SGIP1: variants seen among roughly 807,000 people sequenced by gnomAD.
SGIP1 encodes SH3GL interacting endocytic adaptor 1.
In SGIP1, 38 loss-of-function variants were observed where a neutral mutation model predicts 107.5. The observed-to-expected ratio is 0.35, with a 90% CI of 0.27 to 0.46. The LOEUF (loss-of-function observed/expected upper bound fraction) is 0.46. Among genes scored for constraint, SGIP1 ranks in the 20% least tolerant of loss-of-function variants. The pLI is 1.00. For missense variants in SGIP1, 929 were observed against 1,019.5 expected (o/e 0.91, Z 1.21); for synonymous variants, 365 against 366.1 (o/e 1.00, Z 0.03).
At chr1:66,636,559 C>T (rs1174713623) in intron 4 of SGIP1, among the ~76,000 whole-genome samples, 1 of 152,214 alleles carries the variant, frequency 6.6e-6, no homozygotes, top group Non-Finnish European at 1.5e-5. Flanking sequence ...CTCAGTTGCA[C>T]TTGACACATT....
intron 11 of SGIP1, 144 bp from the exon 12 acceptor site, chr1:66,673,137 C>T (rs756646593): frequency 3.7e-4 from 276 of 746,580 alleles, no homozygotes; most frequent in Middle Eastern, 4.9e-4. Context: ...CTAGCCCTAA[C>T]GGGGCTTGTA....
chr1:66,639,707 T>G (rs1160975524), intron 4 of SGIP1, 70 bp from the exon 5 acceptor site: 4 of 1,276,334 alleles, frequency 3.1e-6, no homozygotes, highest in Admixed American at 3.5e-5. Flanking sequence ...AGATAAGAGT[T>G]AAATGTTCTT....
At chr1:66,583,990 C>T (rs372236217) in intron 1 of SGIP1, among the ~76,000 whole-genome samples, 2 of 152,196 alleles carry the variant, frequency 1.3e-5, no homozygotes, top group East Asian at 3.9e-4. Context: ...AACAGGAAGC[C>T]AGTGATTCCC....
chr1:66,630,837 A>AGAGAGAG, intron 2 of SGIP1, among the ~76,000 whole-genome samples: 1 of 14,760 alleles, frequency 6.8e-5, no homozygotes, highest in African/African-American at 2.5e-4. Flanking sequence ...GAAAGAAAGA[A>AGAGAGAG]AGAAAGAAAG....
chr1:66,740,328 T>C (rs1321412065), intron 22 of SGIP1, among the ~76,000 whole-genome samples: 1 of 148,278 alleles, frequency 6.7e-6, no homozygotes, highest in African/African-American at 2.5e-5. Context: ...AGCCAGATCA[T>C]GACCCCAATT....
At chr1:66,655,856 G>T (rs1048933353) in intron 7 of SGIP1, among the ~76,000 whole-genome samples, 1 of 151,916 alleles carries the variant, frequency 6.6e-6, no homozygotes, top group African/African-American at 2.4e-5. Flanking sequence ...GGACACTACT[G>T]CAGACTTTGT....
At chr1:66,628,715 C>T (rs973253745) in intron 2 of SGIP1, among the ~76,000 whole-genome samples, 2 of 152,186 alleles carry the variant, frequency 1.3e-5, no homozygotes, top group African/African-American at 4.8e-5. Flanking sequence ...GTAGCCAAAG[C>T]ACTACTCTTC....
chr1:66,558,831 T>G (rs1223616442), intron 1 of SGIP1, among the ~76,000 whole-genome samples: 1 of 151,944 alleles, frequency 6.6e-6, no homozygotes, highest in Non-Finnish European at 1.5e-5. Flanking sequence ...GCATCCATTT[T>G]ATTAGAGGGA....
At position 66,613,521 on chromosome 1, in the gene SGIP1, G is replaced by A. The variant is rs945830934; in HGVS notation, c.11-12326G>A. 2.6e-5 allele frequency among the ~76,000 whole-genome samples: 4 copies of A among 152,098 alleles called. No individual in the cohort carries two copies. The East Asian group carries it at 7.7e-4, about 29-fold the overall frequency. ...TTTTTTGTATTTTTAGTAGAAATGG[G>A]GTTTTGCCATGTTGGCCAGGCTGGT... On this transcript the variant is annotated intron_variant, in intron 1 of 24. Coordinates refer to ENST00000371037, the MANE Select transcript of SGIP1 (RefSeq NM_032291.4).
Position 66,735,677 on chromosome 1 carries a change from G to A in SGIP1, c.2031+1797G>A, listed in dbSNP as rs2094201556. 4.5e-5 allele frequency among the ~76,000 whole-genome samples: 3 copies of A among 67,080 alleles called. 1 individual carries two copies. The highest frequency in any genetic ancestry group is 2.3e-4 in the African/African-American group (3 of 13,328). The allele number at this position is 67,080 out of a possible 152,430, so 44.0% of individuals were successfully genotyped here. A position where few individuals can be genotyped will look rare whatever the true frequency, so the allele number is the denominator to read the frequency against. On this transcript the variant is annotated intron_variant, in intron 21 of 24. Coordinates refer to ENST00000371037, the MANE Select transcript of SGIP1 (RefSeq NM_032291.4). ...CTACTAAAAATACAAAAAATTAGCCGGGCGCGGTGGCGGGCGCCTGTAGTC... is the reference window on the plus strand; with the variant it reads ...CTACTAAAAATACAAAAAATTAGCCAGGCGCGGTGGCGGGCGCCTGTAGTC...
chr1:66,559,871 G>A (rs1438889959), intron 1 of SGIP1, among the ~76,000 whole-genome samples: 4 of 152,184 alleles, frequency 2.6e-5, no homozygotes, highest in African/African-American at 9.6e-5. Flanking sequence ...CCACTTGCTG[G>A]AGCCAGGGAG....
At chr1:66,541,752 T>G (rs2055002041) in intron 1 of SGIP1, among the ~76,000 whole-genome samples, 1 of 152,192 alleles carries the variant, frequency 6.6e-6, no homozygotes, top group Admixed American at 6.5e-5. Context: ...AATACTGAGC[T>G]CATTTAGGGC....
At chr1:66,590,230 C>T (rs1570179920) in intron 1 of SGIP1, among the ~76,000 whole-genome samples, 1 of 152,196 alleles carries the variant, frequency 6.6e-6, no homozygotes, top group African/African-American at 2.4e-5. Context: ...CAAATGCATA[C>T]ATGGCCCACT....
At chr1:66,633,882 T>A (rs1290497922) in intron 3 of SGIP1, among the ~76,000 whole-genome samples, 2 of 152,186 alleles carry the variant, frequency 1.3e-5, no homozygotes, top group African/African-American at 4.8e-5. Context: ...AAAAATTTTT[T>A]AAATCACCCT....
At chr1:66,550,323 T>C (rs866513503) in intron 1 of SGIP1, among the ~76,000 whole-genome samples, 1 of 152,162 alleles carries the variant, frequency 6.6e-6, no homozygotes, top group Non-Finnish European at 1.5e-5. Flanking sequence ...GAGCTCTTAA[T>C]AGGCAATAGC....
At chr1:66,729,512 T>C in intron 20 of SGIP1, 93 bp downstream of exon 20, 2 of 1,431,856 alleles carry the variant, frequency 1.4e-6, no homozygotes, top group Non-Finnish European at 1.9e-6. Context: ...AGGGTCGCAC[T>C]ATAGTGAAAT....
intron 1 of SGIP1, among the ~76,000 whole-genome samples, chr1:66,547,521 G>C (rs985367130): frequency 3.9e-5 from 6 of 152,082 alleles, no homozygotes; most frequent in African/African-American, 1.4e-4. Context: ...GCTATCTTCT[G>C]TCTTCATGGC....
At position 66,749,142 on chromosome 1, in the gene SGIP1, A is replaced by G. The variant is rs531976819; in HGVS notation, c.*6047A>G. On this transcript the variant is annotated 3_prime_UTR_variant, in exon 25 of 25. Coordinates refer to ENST00000371037, the MANE Select transcript of SGIP1 (RefSeq NM_032291.4). Reference sequence around the variant, plus strand: ...TAAAATATTCAAAACAAAACAATAAAATTATTTTAATTTTTGTATTATTTT... The same window carrying G: ...TAAAATATTCAAAACAAAACAATAAGATTATTTTAATTTTTGTATTATTTT... Among the ~76,000 whole-genome samples the G allele has an allele frequency of 2.2e-4, 17 of 78,330 alleles. No individual in the cohort carries two copies. Among genetic ancestry groups the G allele is most frequent in the African/African-American group, 9.7e-4 (16 of 16,440 alleles). The allele number at this position is 78,330 out of a possible 152,430, so 51.4% of individuals were successfully genotyped here. A position where few individuals can be genotyped will look rare whatever the true frequency, so the allele number is the denominator to read the frequency against.
chr1:66,582,705 T>A (rs1569985450), intron 1 of SGIP1, among the ~76,000 whole-genome samples: 1 of 151,952 alleles, frequency 6.6e-6, no homozygotes, highest in African/African-American at 2.4e-5. Context: ...TGGCTTTTTT[T>A]AGATGCTGCC....
Sources: allele counts gnomAD v4.1 joint callset (sites outside exome capture counted in the v4.1 genomes callset), GRCh38; gene constraint gnomAD v4.1.1; transcripts MANE v1.5; gene names NCBI Gene and HGNC (gene_info 2026-07-23, HGNC 2026-07-21).